The following TAFA5 variants were observed in gnomAD, a reference collection of about 807,000 sequenced individuals.
TAFA5 encodes the protein chemokine-like protein TAFA-5.
Under a neutral mutation model 15.3 loss-of-function variants are expected in TAFA5, and 6 were observed. The ratio of observed to expected loss-of-function variants is 0.39; its 90% CI spans 0.21 to 0.77. The LOEUF (loss-of-function observed/expected upper bound fraction) is 0.77. Among genes scored for constraint, TAFA5 ranks in the 30% least tolerant of loss-of-function variants. The pLI, the probability that TAFA5 is intolerant of heterozygous loss-of-function variation, is 0.41. For synonymous variants in TAFA5, 103 were observed against 80.7 expected (o/e 1.28, Z -1.48); for missense variants, 161 against 193.1 (o/e 0.83, Z 0.98).
intron 2 of TAFA5, among the ~76,000 whole-genome samples, chr22:48,659,981 T>C (rs1163602995): frequency 6.6e-6 from 1 of 152,192 alleles, no homozygotes; most frequent in East Asian, 1.9e-4. Context: ...GGGGGGTGAG[T>C]GGGGTTGCCT....
chr22:48,667,263 C>A (rs1056016642), intron 2 of TAFA5, among the ~76,000 whole-genome samples: 1 of 151,922 alleles, frequency 6.6e-6, no homozygotes. Flanking sequence ...CTAAGAGCCA[C>A]GCGCTCCTGG....
Position 48,512,764 on chromosome 22 carries a change from C to CA in TAFA5, c.112+23069dup, listed in dbSNP as rs1003126343. On this transcript the variant is annotated intron_variant, in intron 1 of 3. Transcript: ENST00000402357. ...TGAAGCCACGTCTCTACTAAAAATA[C>CA]AAAAAAAAATTACCCGGGGGTGGTG... Among the ~76,000 whole-genome samples the CA allele has an allele frequency of 4.3e-4, 64 of 149,382 alleles. No homozygotes were observed. In the East Asian group the frequency reaches 7.7e-3, roughly 18 times the overall value.
At chr22:48,600,956 G>A (rs1044868910) in intron 1 of TAFA5, among the ~76,000 whole-genome samples, 11 of 152,008 alleles carry the variant, frequency 7.2e-5, no homozygotes, top group African/African-American at 2.4e-4. Context: ...CTCCCTCTCC[G>A]CGGTCACGGT....
intron 1 of TAFA5, among the ~76,000 whole-genome samples, chr22:48,626,919 C>T (rs1016508294): frequency 6.6e-6 from 1 of 152,148 alleles, no homozygotes; most frequent in Non-Finnish European, 1.5e-5. Context: ...GTGGACCTTC[C>T]AGCTGCTCCA....
intron 2 of TAFA5, among the ~76,000 whole-genome samples, chr22:48,672,437 T>A (rs1927830808): frequency 6.6e-6 from 1 of 152,210 alleles, no homozygotes; most frequent in African/African-American, 2.4e-5. Flanking sequence ...AACGTATCCA[T>A]TTTCCTTACA....
chr22:48,656,688 C>A (rs1036209820), intron 2 of TAFA5, among the ~76,000 whole-genome samples: 1 of 144,446 alleles, frequency 6.9e-6, no homozygotes, highest in Non-Finnish European at 1.5e-5. Flanking sequence ...ATGAAAATTA[C>A]CAAAAGTTCT....
chr22:48,578,472 G>A (rs1022386377), intron 1 of TAFA5, among the ~76,000 whole-genome samples: 2 of 152,186 alleles, frequency 1.3e-5, no homozygotes, highest in African/African-American at 2.4e-5. Flanking sequence ...AGCAGGCCTC[G>A]CTTAGTGGAG....
rs1262478876 is a variant in TAFA5 at position 48,620,701 on chromosome 22, A to G, written c.113-25896A>G. On this transcript the variant is annotated intron_variant, in intron 1 of 3. Coordinates refer to ENST00000402357, the MANE Select transcript of TAFA5 (RefSeq NM_001082967.3). ...ACATCCATCCTATCTACTCACCCCC[A>G]TACCCATCCTATCCACCCACCCACA... is the stretch of plus-strand genomic sequence containing the variant. Among the ~76,000 whole-genome samples, 30 of 2,190 alleles carry G rather than the reference A, an allele frequency of 0.014. No homozygotes were observed. In the East Asian group the frequency reaches 0.15, roughly 11 times the overall value. The allele number at this position is 2,190 out of a possible 152,430, so 1.4% of individuals were successfully genotyped here. A position where few individuals can be genotyped will look rare whatever the true frequency, so the allele number is the denominator to read the frequency against.
rs559330709 is a variant in TAFA5 at position 48,578,213 on chromosome 22, C to T, written c.113-68384C>T. Among the ~76,000 whole-genome samples, 9 of 152,350 alleles carry T rather than the reference C, an allele frequency of 5.9e-5. No homozygotes were observed. In the South Asian group the frequency reaches 1.0e-3, roughly 18 times the overall value. The stretch of plus-strand genomic sequence containing the variant: ...TCTCTGAGGTCCAGGTGCCCAGCTG[C>T]ATCCTGACACTCTGTGATGAAGTGA... On this transcript the variant is annotated intron_variant, in intron 1 of 3. Transcript: ENST00000402357.
At chr22:48,747,058 G>A (rs758744875) in intron 3 of TAFA5, among the ~76,000 whole-genome samples, 1 of 152,202 alleles carries the variant, frequency 6.6e-6, no homozygotes, top group East Asian at 1.9e-4. Flanking sequence ...GAGGGCAGGG[G>A]AGTGGACACC....
intron 2 of TAFA5, among the ~76,000 whole-genome samples, chr22:48,654,007 C>T (rs148067903): frequency 1.3e-3 from 203 of 152,050 alleles, no homozygotes; most frequent in African/African-American, 4.6e-3. Flanking sequence ...GTAGGCACGG[C>T]GGCTCTGGAG....
At chr22:48,548,739 G>A (rs6007881) in intron 1 of TAFA5, among the ~76,000 whole-genome samples, 4 of 152,378 alleles carry the variant, frequency 2.6e-5, no homozygotes, top group South Asian at 4.1e-4. Context: ...ATGGCCAAGC[G>A]CAGCATCAGC....
chr22:48,709,786 G>A (rs746857709), intron 3 of TAFA5, among the ~76,000 whole-genome samples: 4 of 152,208 alleles, frequency 2.6e-5, no homozygotes, highest in Admixed American at 6.5e-5. Flanking sequence ...GAGAGCTGGC[G>A]GTGGATAAGC....
At chr22:48,567,033 T>A (rs538509664) in intron 1 of TAFA5, among the ~76,000 whole-genome samples, 21 of 152,322 alleles carry the variant, frequency 1.4e-4, no homozygotes, top group Admixed American at 9.1e-4. Context: ...CTGTTCCACT[T>A]GTGGAGGGGC....
At chr22:48,699,594 T>G (rs1928840086) in intron 2 of TAFA5, among the ~76,000 whole-genome samples, 1 of 152,102 alleles carries the variant, frequency 6.6e-6, no homozygotes, top group African/African-American at 2.4e-5. Flanking sequence ...GTCTTAATAA[T>G]CACGTGGCTT....
intron 2 of TAFA5, among the ~76,000 whole-genome samples, chr22:48,689,301 G>A (rs1196320989): frequency 1.3e-5 from 2 of 152,148 alleles, no homozygotes; most frequent in African/African-American, 2.4e-5. Flanking sequence ...CCACCCCAGA[G>A]ATGGGGCGCC....
chr22:48,500,531 C>G (rs1325397993), intron 1 of TAFA5, among the ~76,000 whole-genome samples: 5 of 152,232 alleles, frequency 3.3e-5, no homozygotes, highest in Admixed American at 3.3e-4. Flanking sequence ...AGAGCAGCCC[C>G]GATGCTGCTG....
chr22:48,537,614 A>G (rs1042411499), intron 1 of TAFA5, among the ~76,000 whole-genome samples: 1 of 152,218 alleles, frequency 6.6e-6, no homozygotes, highest in African/African-American at 2.4e-5. Context: ...GCTCCCGATG[A>G]GTGTCAAACC....
intron 1 of TAFA5, among the ~76,000 whole-genome samples, chr22:48,494,007 C>T (rs1450311277): frequency 6.6e-6 from 1 of 152,212 alleles, no homozygotes; most frequent in Non-Finnish European, 1.5e-5. Context: ...TGCTGGACCT[C>T]CCTGAGGCCA....
Sources: gnomAD v4.1 joint callset for allele counts (sites outside exome capture counted in the v4.1 genomes callset) on GRCh38, gnomAD v4.1.1 for gene constraint, MANE v1.5 for transcripts, NCBI Gene and HGNC (gene_info 2026-07-23, HGNC 2026-07-21) for gene names.